The following NELL2 variants were observed in gnomAD, a reference collection of about 807,000 sequenced individuals.
The protein encoded by NELL2 is neural EGFL like 2.
In NELL2, 41 loss-of-function variants were observed where a neutral mutation model predicts 109.6. The observed-to-expected ratio is 0.37, with a 90% CI of 0.29 to 0.49. NELL2 has a LOEUF of 0.49. NELL2 is among the 20% of genes least tolerant of loss of function. The probability of loss-of-function intolerance (pLI) is 0.98; values close to 1 mark genes in which losing one functional copy is unlikely to be tolerated. For missense variants in NELL2, 900 were observed against 1,008.3 expected (o/e 0.89, Z 1.45); for synonymous variants, 355 against 344.7 (o/e 1.03, Z -0.33).
chr12:44,654,826 C>T (rs868328474), intron 13 of NELL2, among the ~76,000 whole-genome samples: 2 of 152,272 alleles, frequency 1.3e-5, no homozygotes, highest in South Asian at 2.1e-4. Flanking sequence ...TATACACCCA[C>T]TGCAAGATTA....
intron 9 of NELL2, among the ~76,000 whole-genome samples, chr12:44,758,028 CT>C (rs1940963909): frequency 6.7e-6 from 1 of 148,898 alleles, no homozygotes; most frequent in Non-Finnish European, 1.5e-5. Flanking sequence ...GAAAAATTGT[CT>C]TTTGATACAG....
At chr12:44,762,507 C>T (rs1313778777) in intron 9 of NELL2, among the ~76,000 whole-genome samples, 2 of 152,176 alleles carry the variant, frequency 1.3e-5, no homozygotes, top group Admixed American at 6.6e-5. Flanking sequence ...ACAGACCTGT[C>T]TTGCCTAAAA....
chr12:44,528,158 G>GAGT (rs1592072196), intron 16 of NELL2, among the ~76,000 whole-genome samples: 1 of 143,620 alleles, frequency 7.0e-6, no homozygotes, highest in East Asian at 2.0e-4. Flanking sequence ...TACTCTGACA[G>GAGT]AGTAGTAGGT....
At chr12:44,679,093 G>C (rs1448332140) in intron 12 of NELL2, among the ~76,000 whole-genome samples, 1 of 152,108 alleles carries the variant, frequency 6.6e-6, no homozygotes, top group Admixed American at 6.6e-5. Flanking sequence ...AGATATAATA[G>C]ATGAAGCAAA....
intron 18 of NELL2, 39 bp from the exon 19 acceptor site, chr12:44,520,268 G>C: frequency 6.5e-7 from 1 of 1,542,792 alleles, no homozygotes; most frequent in Non-Finnish European, 8.8e-7. Context: ...GAGGGAGAGG[G>C]AGGAGGAAAT....
chr12:44,806,505 T>C (rs900860457), intron 3 of NELL2, among the ~76,000 whole-genome samples: 2 of 151,902 alleles, frequency 1.3e-5, no homozygotes, highest in South Asian at 2.1e-4. Context: ...ATTGTATACA[T>C]ATTAAAATCT....
chr12:44,650,973 C>G (rs1198266775), intron 13 of NELL2, among the ~76,000 whole-genome samples: 1 of 152,240 alleles, frequency 6.6e-6, no homozygotes, highest in Non-Finnish European at 1.5e-5. Flanking sequence ...GGGCCGTGGA[C>G]TGGTACCAGT....
At chr12:44,920,938 C>A (rs1421273876) in intron 1 of NELL2, among the ~76,000 whole-genome samples, 4 of 152,268 alleles carry the variant, frequency 2.6e-5, no homozygotes, top group African/African-American at 7.2e-5. Flanking sequence ...TGACTGATGG[C>A]TGAAATTATT....
At chr12:44,594,602 T>C (rs1944886769) in intron 15 of NELL2, among the ~76,000 whole-genome samples, 1 of 152,178 alleles carries the variant, frequency 6.6e-6, no homozygotes, top group Non-Finnish European at 1.5e-5. Context: ...ATTAAATGAC[T>C]ATAACAAGTA....
chr12:44,836,738 T>A (rs1008329027), intron 2 of NELL2, among the ~76,000 whole-genome samples: 14 of 152,330 alleles, frequency 9.2e-5, no homozygotes, highest in African/African-American at 2.9e-4. Context: ...CAATATCTGC[T>A]CATAGAACAG....
intron 3 of NELL2, among the ~76,000 whole-genome samples, chr12:44,789,987 C>T (rs867648261): frequency 2.0e-5 from 3 of 151,912 alleles, no homozygotes; most frequent in Non-Finnish European, 2.9e-5. Context: ...TGTTAAATGA[C>T]CAAACCTAAG....
chr12:44,518,910 A>G (rs1941401373), intron 19 of NELL2, among the ~76,000 whole-genome samples: 2 of 152,258 alleles, frequency 1.3e-5, no homozygotes, highest in African/African-American at 4.8e-5. Context: ...TTCATAAAAC[A>G]GCAGTAAATG....
intron 1 of NELL2, among the ~76,000 whole-genome samples, chr12:44,895,250 G>A (rs1039921603): frequency 3.3e-5 from 5 of 152,168 alleles, no homozygotes; most frequent in African/African-American, 1.2e-4. Flanking sequence ...GTGAGCATCA[G>A]CTCTGGTCAA....
chr12:44,721,492 A>G (rs926361636), intron 9 of NELL2, among the ~76,000 whole-genome samples: 7 of 152,236 alleles, frequency 4.6e-5, no homozygotes, highest in African/African-American at 7.2e-5. Context: ...AAAAGTTTAC[A>G]TATTGTCACT....
At chr12:44,730,325 G>A (rs1052075655) in intron 9 of NELL2, among the ~76,000 whole-genome samples, 1 of 151,974 alleles carries the variant, frequency 6.6e-6, no homozygotes, top group Non-Finnish European at 1.5e-5. Flanking sequence ...CATACAACAG[G>A]AGCAGAATGT....
In NELL2 at chr12:44,605,901, T is replaced by A. The variant is rs756126305; in HGVS notation, c.1663+1268A>T. On this transcript the variant is annotated intron_variant, in intron 15 of 19. Coordinates refer to ENST00000429094, the MANE Select transcript of NELL2 (RefSeq NM_001145108.2). ...TGCCATAGAAACATGAGAGGACTACTGCAGTAGAGGTGCCTGATTTGATTT... is the reference window on the plus strand; with the variant it reads ...TGCCATAGAAACATGAGAGGACTACAGCAGTAGAGGTGCCTGATTTGATTT... Among the ~76,000 whole-genome samples the A allele has an allele frequency of 1.0e-3, 157 of 152,270 alleles. 1 individual carries two copies. Among genetic ancestry groups the A allele is most frequent in the Non-Finnish European group, 5.7e-4 (39 of 68,012 alleles).
At chr12:44,549,866 C>T (rs1391658372) in intron 15 of NELL2, among the ~76,000 whole-genome samples, 1 of 152,098 alleles carries the variant, frequency 6.6e-6, no homozygotes, top group Non-Finnish European at 1.5e-5. Context: ...ACTCCAATAG[C>T]ATTTTTCACA....
intron 2 of NELL2, among the ~76,000 whole-genome samples, chr12:44,838,341 AG>A (rs1332600005): frequency 6.6e-6 from 1 of 152,246 alleles, no homozygotes; most frequent in Non-Finnish European, 1.5e-5. Context: ...TGAATTACTT[AG>A]GTAATGTACA....
chr12:44,742,951 C>T lies in NELL2; in HGVS notation c.995-28210G>A, dbSNP rs146530832. On this transcript the variant is annotated intron_variant, in intron 9 of 19. Transcript: ENST00000429094. ...ATTCAGATTCAGGAAATATAGAGAACGCCACAAAGATACTTCTTGAGAAGA... is the reference window on the plus strand; with the variant it reads ...ATTCAGATTCAGGAAATATAGAGAATGCCACAAAGATACTTCTTGAGAAGA... 8.7e-3 allele frequency among the ~76,000 whole-genome samples: 1,319 copies of T among 152,090 alleles called. 10 individuals carry two copies. Among genetic ancestry groups the T allele is most frequent in the Middle Eastern group, 0.027 (8 of 294 alleles).
Sources: gnomAD v4.1 joint callset for allele counts (sites outside exome capture counted in the v4.1 genomes callset) on GRCh38, gnomAD v4.1.1 for gene constraint, MANE v1.5 for transcripts, NCBI Gene and HGNC (gene_info 2026-07-23, HGNC 2026-07-21) for gene names.